DMD: variants seen among roughly 807,000 people sequenced by gnomAD.
DMD encodes the protein mutant dystrophin.
In DMD, 63 loss-of-function variants were observed where a neutral mutation model predicts 330.1. That is an observed-to-expected ratio of 0.19 (90% CI 0.16 to 0.24). The LOEUF is 0.24. Among genes scored for constraint, DMD ranks in the 10% least tolerant of loss-of-function variants. DMD has a pLI of 1.00. For synonymous variants in DMD, 1,223 were observed against 959.8 expected, an observed-to-expected ratio of 1.27 and a Z score of -5.07; for missense variants, 3,344 against 2,684.1, an observed-to-expected ratio of 1.25 and a Z score of -5.43.
chrX:32,674,202 A>G (rs2061818602), intron 9 of DMD, among the ~76,000 whole-genome samples: 1 of 111,842 alleles, frequency 8.9e-6, no homozygotes. Context: ...AGTTTTAATC[A>G]GGATGTGCCC....
intron 55 of DMD, among the ~76,000 whole-genome samples, chrX:31,605,406 T>C (rs2077563223): frequency 8.9e-6 from 1 of 111,809 alleles, no homozygotes; most frequent in Non-Finnish European, 1.9e-5. Context: ...ACTCCTAAAA[T>C]AAATACTATG....
intron 2 of DMD, among the ~76,000 whole-genome samples, chrX:32,867,315 T>G (rs1462076432): frequency 1.8e-5 from 2 of 112,118 alleles, no homozygotes; most frequent in African/African-American, 6.5e-5. Flanking sequence ...ACAAAAATAG[T>G]AAATCAAAAA....
At chrX:32,853,705 A>AT (rs1280369686) in intron 2 of DMD, among the ~76,000 whole-genome samples, 3 of 107,567 alleles carry the variant, frequency 2.8e-5, no homozygotes, top group Admixed American at 2.0e-4. Flanking sequence ...AATGGTAGGA[A>AT]TAAGTTCTTA....
intron 52 of DMD, among the ~76,000 whole-genome samples, chrX:31,728,408 TAC>T (rs764803152): frequency 8.9e-6 from 1 of 112,013 alleles, no homozygotes; most frequent in Non-Finnish European, 1.9e-5. Context: ...AAAGATTTTG[TAC>T]ACACACACAG....
At chrX:32,490,439 C>T (rs5972580) in intron 20 of DMD, among the ~76,000 whole-genome samples, 6,525 of 111,213 alleles carry the variant, frequency 0.059, 261 homozygotes, top group African/African-American at 0.13. Context: ...TTTGCCCCTC[C>T]AGATCCACTG....
intron 1 of DMD, among the ~76,000 whole-genome samples, chrX:33,027,674 T>A (rs1009767272): frequency 2.7e-5 from 3 of 111,239 alleles, no homozygotes; most frequent in African/African-American, 9.9e-5. Context: ...CAAAAGGGTA[T>A]GTTGATACAA....
chrX:32,729,097 T>TA (rs1366327620), intron 7 of DMD, among the ~76,000 whole-genome samples: 1 of 112,243 alleles, frequency 8.9e-6, no homozygotes, highest in Non-Finnish European at 1.9e-5. Context: ...TGAACATCCC[T>TA]AATAGGAAAA....
intron 17 of DMD, among the ~76,000 whole-genome samples, chrX:32,525,545 C>T (rs1456803227): frequency 1.8e-5 from 2 of 111,789 alleles, no homozygotes; most frequent in Non-Finnish European, 3.8e-5. Flanking sequence ...CAGACCCTGG[C>T]TTCCAAGAAG....
At chrX:32,531,692 G>C (rs775719470) in intron 17 of DMD, among the ~76,000 whole-genome samples, 1 of 110,915 alleles carries the variant, frequency 9.0e-6, no homozygotes, top group Admixed American at 9.7e-5. Context: ...GAACAGGTCT[G>C]TCTGAATCCA....
At chrX:31,319,873 A>G (rs2148263702) in intron 62 of DMD, among the ~76,000 whole-genome samples, 1 of 112,705 alleles carries the variant, frequency 8.9e-6, no homozygotes, top group East Asian at 2.8e-4. Context: ...ATATGGGAGC[A>G]TGCAACATAA....
intron 3 of DMD, among the ~76,000 whole-genome samples, chrX:32,846,534 A>G (rs1166299351): frequency 9.1e-6 from 1 of 110,427 alleles, no homozygotes; most frequent in Non-Finnish European, 1.9e-5. Flanking sequence ...CTTGCCTGAT[A>G]TCCTTTATAA....
intron 7 of DMD, among the ~76,000 whole-genome samples, chrX:32,776,857 A>G (rs1162944708): frequency 4.5e-5 from 5 of 112,133 alleles, no homozygotes; most frequent in Admixed American, 9.4e-5. Flanking sequence ...ATGCTTAATT[A>G]ATTAAACAAA....
At chrX:33,225,251 C>A (rs1007229939) in intron 1 of DMD, among the ~76,000 whole-genome samples, 7 of 111,493 alleles carry the variant, frequency 6.3e-5, no homozygotes, top group African/African-American at 2.3e-4. Flanking sequence ...TTTAGAATAG[C>A]TAAAACAATG....
intron 11 of DMD, among the ~76,000 whole-genome samples, chrX:32,625,462 C>T (rs765082193): frequency 1.2e-4 from 13 of 111,725 alleles, no homozygotes; most frequent in South Asian, 3.7e-4. Context: ...TACCAATATC[C>T]GTGAATCCTT....
chrX:32,771,046 G>A (rs2073540990), intron 7 of DMD, among the ~76,000 whole-genome samples: 1 of 111,745 alleles, frequency 8.9e-6, no homozygotes, highest in Non-Finnish European at 1.9e-5. Flanking sequence ...CAAAGGTCCT[G>A]AGGCAGGACC....
intron 50 of DMD, among the ~76,000 whole-genome samples, chrX:31,781,348 T>C (rs952119192): frequency 8.9e-6 from 1 of 112,258 alleles, no homozygotes; most frequent in African/African-American, 3.2e-5. Flanking sequence ...TCTCATTCAA[T>C]ATGCAAGAAT....
intron 1 of DMD, among the ~76,000 whole-genome samples, chrX:33,101,928 C>T (rs2095243178): frequency 8.9e-6 from 1 of 111,921 alleles, no homozygotes; most frequent in South Asian, 3.7e-4. Context: ...GTTAACCTTT[C>T]CATCCTCTTG....
intron 50 of DMD, among the ~76,000 whole-genome samples, chrX:31,798,454 AATAG>A (rs1401386946): frequency 3.6e-5 from 4 of 110,716 alleles, no homozygotes; most frequent in East Asian, 2.8e-4. Context: ...AGCTGAGAAA[AATAG>A]ATAGTCAGAT....
At chrX:32,308,676 G>C (rs1214583314) in intron 42 of DMD, among the ~76,000 whole-genome samples, 1 of 110,820 alleles carries the variant, frequency 9.0e-6, no homozygotes, top group Non-Finnish European at 1.9e-5. Context: ...ATATTAAATA[G>C]ATCAGGATGA....
Sources: allele counts gnomAD v4.1 joint callset (sites outside exome capture counted in the v4.1 genomes callset), GRCh38; gene constraint gnomAD v4.1.1; transcripts MANE v1.5; gene names NCBI Gene and HGNC (gene_info 2026-07-23, HGNC 2026-07-21).